ABHD12: variants seen among roughly 807,000 people sequenced by gnomAD.
ABHD12 encodes lysophosphatidylserine lipase ABHD12.
Under a neutral mutation model 58.3 loss-of-function variants are expected in ABHD12, and 43 were observed. That is an observed-to-expected ratio of 0.74 (90% CI 0.58 to 0.95). ABHD12 has a LOEUF of 0.95. Ranked by LOEUF, ABHD12 falls within the 40% of genes least tolerant of loss-of-function variation. The pLI is 0.00. For missense variants in ABHD12, 539 were observed against 537.2 expected (o/e 1.00, Z -0.03); for synonymous variants, 219 against 211.2 (o/e 1.04, Z -0.32).
Position 25,300,733 on chromosome 20 carries a change from G to C in ABHD12, c.*112C>G. ...GAGGTGCTCTCCAGGTGCGAGCTGGGCTCCTGAGCATTGCAGGTGCCGGCC... is the reference window on the plus strand; with the variant it reads ...GAGGTGCTCTCCAGGTGCGAGCTGGCCTCCTGAGCATTGCAGGTGCCGGCC... On this transcript the variant is annotated 3_prime_UTR_variant, in exon 13 of 13. Transcript: ENST00000339157. The C allele has an allele frequency of 6.3e-7, 1 of 1,587,936 alleles. No individual in the cohort carries two copies. Among genetic ancestry groups the C allele is most frequent in the Non-Finnish European group, 8.6e-7 (1 of 1,169,530 alleles).
At chr20:25,317,985 G>A (rs1284093691) in intron 4 of ABHD12, among the ~76,000 whole-genome samples, 8 of 152,180 alleles carry the variant, frequency 5.3e-5, no homozygotes, top group Admixed American at 5.2e-4. Context: ...TTGGACACCA[G>A]GATGAGATGG....
chr20:25,308,577 A>C (rs1048849533), intron 7 of ABHD12, 83 bp from the exon 8 acceptor site: 61 of 1,491,368 alleles, frequency 4.1e-5, no homozygotes, highest in African/African-American at 5.6e-5. Flanking sequence ...AAGTGCTCAG[A>C]GGAGCCATGG....
chr20:25,325,361 T>C (rs78326719), intron 2 of ABHD12, among the ~76,000 whole-genome samples: 1,697 of 151,448 alleles, frequency 0.011, 32 homozygotes, highest in African/African-American at 0.036. Flanking sequence ...ATGGGCTGAG[T>C]TGTGCTCCCC....
At chr20:25,377,249 G>T (rs573325583) in intron 1 of ABHD12, among the ~76,000 whole-genome samples, 82 of 152,174 alleles carry the variant, frequency 5.4e-4, no homozygotes, top group Non-Finnish European at 8.7e-4. Flanking sequence ...AAGGTGTCCT[G>T]TGTCCCCAAA....
chr20:25,302,492 G>A, intron 11 of ABHD12, 146 bp from the exon 12 acceptor site: 1 of 1,077,770 alleles, frequency 9.3e-7, no homozygotes, highest in Non-Finnish European at 1.4e-6. Flanking sequence ...GTCACGACCA[G>A]GAGGCCCGGG....
chr20:25,324,615 G>A (rs537548516), intron 2 of ABHD12, among the ~76,000 whole-genome samples: 4 of 152,212 alleles, frequency 2.6e-5, no homozygotes, highest in East Asian at 3.9e-4. Context: ...CAGGGGTTGC[G>A]TGACTCCCAT....
chr20:25,311,812 C>T (rs1037732723), intron 6 of ABHD12, among the ~76,000 whole-genome samples: 41 of 152,210 alleles, frequency 2.7e-4, no homozygotes, highest in African/African-American at 9.9e-4. Flanking sequence ...TCAAGCTTTC[C>T]TCCCACCTCA....
At chr20:25,353,829 T>G (rs1472899694) in intron 1 of ABHD12, among the ~76,000 whole-genome samples, 1 of 152,250 alleles carries the variant, frequency 6.6e-6, no homozygotes, top group African/African-American at 2.4e-5. Flanking sequence ...CCTTTCCTTC[T>G]GTCCTCTGCA....
intron 7 of ABHD12, 130 bp from the exon 8 acceptor site, chr20:25,308,624 G>A (rs776773329): frequency 8.7e-7 from 1 of 1,144,916 alleles, no homozygotes; most frequent in Non-Finnish European, 1.3e-6. Context: ...GACAGAGTGG[G>A]GGAAATGGAG....
chr20:25,331,860 T>C (rs899739246), intron 2 of ABHD12, among the ~76,000 whole-genome samples: 23 of 151,458 alleles, frequency 1.5e-4, no homozygotes, highest in Non-Finnish European at 2.8e-4. Flanking sequence ...CATGCCAAAA[T>C]GTAAAGACCA....
intron 1 of ABHD12, among the ~76,000 whole-genome samples, chr20:25,384,157 A>AG (rs2090058514): frequency 9.7e-4 from 6 of 6,204 alleles, no homozygotes; most frequent in African/African-American, 1.7e-3. Context: ...AAAAAAAAAG[A>AG]AAAAAAAAAA....
At chr20:25,368,735 C>A in intron 1 of ABHD12, 1 of 1,157,038 alleles carries the variant, frequency 8.6e-7, no homozygotes, top group Non-Finnish European at 1.3e-6. Flanking sequence ...TTGCCTTCGT[C>A]AGCAATGTTG....
intron 1 of ABHD12, among the ~76,000 whole-genome samples, chr20:25,388,358 T>A (rs140904140): frequency 0.01 from 1,584 of 152,276 alleles, 75 homozygotes; most frequent in Admixed American, 0.077. Flanking sequence ...GATACTTAAG[T>A]GGAGAAAACA....
intron 1 of ABHD12, among the ~76,000 whole-genome samples, chr20:25,359,720 C>T (rs2146083341): frequency 6.6e-6 from 1 of 152,024 alleles, no homozygotes; most frequent in Non-Finnish European, 1.5e-5. Flanking sequence ...CAAGCATGTA[C>T]CACCATGCCT....
At chr20:25,329,655 G>C (rs2089235433) in intron 2 of ABHD12, among the ~76,000 whole-genome samples, 1 of 152,210 alleles carries the variant, frequency 6.6e-6, no homozygotes, top group South Asian at 2.1e-4. Context: ...ACTGAGCTGT[G>C]ATGGTCTTTG....
In ABHD12 at chr20:25,377,095, G is replaced by C. The variant is rs1020305156; in HGVS notation, c.191+13418C>G. Among the ~76,000 whole-genome samples the C allele has an allele frequency of 2.6e-5, 4 of 152,320 alleles. No individual in the cohort carries two copies. The East Asian group carries it at 7.7e-4, about 29-fold the overall frequency. ...TCCTTCAGCTTTTTCCTGAGGCTCT[G>C]GGGCTGCACTGGCAGCCTCCCAGCT... On this transcript the variant is annotated intron_variant, in intron 1 of 12. Coordinates refer to ENST00000339157, the MANE Select transcript of ABHD12 (RefSeq NM_001042472.3).
chr20:25,300,443 C>G lies in ABHD12; in HGVS notation c.*402G>C. On this transcript the variant is annotated 3_prime_UTR_variant, in exon 13 of 13. Transcript: ENST00000339157. ...TGTGCTGGGAAGGTGCAGAAAGAAC[C>G]TGGACCCCACGTTCTCTGTGGGTGG... 8.4e-7 allele frequency: 1 copy of G among 1,187,172 alleles called. No homozygotes were observed. The allele number at this position is 1,187,172 out of a possible 1,614,324, so 73.5% of individuals were successfully genotyped here.
At chr20:25,354,203 A>C (rs987120167) in intron 1 of ABHD12, among the ~76,000 whole-genome samples, 1 of 152,254 alleles carries the variant, frequency 6.6e-6, no homozygotes, top group East Asian at 1.9e-4. Flanking sequence ...GCACTAGATC[A>C]TATTTGGCAG....
At chr20:25,326,008 T>C (rs1394776436) in intron 2 of ABHD12, among the ~76,000 whole-genome samples, 1 of 145,832 alleles carries the variant, frequency 6.9e-6, no homozygotes, top group African/African-American at 2.5e-5. Context: ...GAAGAGGAGG[T>C]TGCAGTGAGC....
Sources: allele counts gnomAD v4.1 joint callset (sites outside exome capture counted in the v4.1 genomes callset), GRCh38; gene constraint gnomAD v4.1.1; transcripts MANE v1.5; gene names NCBI Gene and HGNC (gene_info 2026-07-23, HGNC 2026-07-21).